The following NKAIN3 variants were observed in gnomAD, a reference collection of about 807,000 sequenced individuals.
NKAIN3 encodes sodium/potassium transporting ATPase interacting 3, also known as sodium/potassium-transporting ATPase subunit beta-1-interacting protein 3.
A neutral mutation model predicts 30.2 loss-of-function variants in NKAIN3; 25 were observed. That is an observed-to-expected ratio of 0.83 (90% CI 0.60 to 1.16). NKAIN3 has a LOEUF of 1.16. NKAIN3 is among the 50% of genes most tolerant of loss of function. The pLI, the probability that NKAIN3 is intolerant of heterozygous loss-of-function variation, is 0.00. For missense variants in NKAIN3, 225 were observed against 254.1 expected (o/e 0.89, Z 0.78); for synonymous variants, 91 against 89.6 (o/e 1.02, Z -0.09).
intron 1 of NKAIN3, chr8:62,383,637 A>C: frequency 2.4e-6 from 1 of 414,914 alleles, no homozygotes; most frequent in Admixed American, 2.8e-5. Context: ...TAAAATTATC[A>C]AACCATTCTT....
intron 1 of NKAIN3, among the ~76,000 whole-genome samples, chr8:62,466,363 A>C (rs566730718): frequency 6.6e-6 from 1 of 152,198 alleles, no homozygotes; most frequent in East Asian, 1.9e-4. Flanking sequence ...CGTTTCCTTA[A>C]TTTCATTAAA....
intron 1 of NKAIN3, among the ~76,000 whole-genome samples, chr8:62,457,244 G>A (rs1165087158): frequency 6.6e-6 from 1 of 152,138 alleles, no homozygotes; most frequent in Middle Eastern, 3.2e-3. Flanking sequence ...ATGGAAGAGG[G>A]ATTTTTTAAT....
chr8:62,421,488 T>G (rs1213074239), intron 1 of NKAIN3, among the ~76,000 whole-genome samples: 1 of 152,054 alleles, frequency 6.6e-6, no homozygotes, highest in Non-Finnish European at 1.5e-5. Context: ...CCCCACAGCT[T>G]TGCTTTTTGA....
chr8:62,864,132 G>T lies in NKAIN3; in HGVS notation c.472-54321G>T, dbSNP rs1466541995. ...GGGGCTTCGCGGAGGTGATGGCGAC[G>T]CGAGCGCGGAAACCAGCCGGGCTGC... is the stretch of plus-strand genomic sequence containing the variant. On this transcript the variant is annotated intron_variant, in intron 4 of 6. Transcript: ENST00000623646. 3 of 619,384 alleles carry T rather than the reference G, an allele frequency of 4.8e-6. No individual in the cohort carries two copies. In the African/African-American group the frequency reaches 5.6e-5, roughly 11 times the overall value. 38.4% of individuals were successfully genotyped at this position (619,384 alleles called of 1,614,324 possible). A position where few individuals can be genotyped will look rare whatever the true frequency, so the allele number is the denominator to read the frequency against.
chr8:62,272,083 GTTGTA>G (rs1812794665), intron 1 of NKAIN3, among the ~76,000 whole-genome samples: 1 of 152,152 alleles, frequency 6.6e-6, no homozygotes, highest in African/African-American at 2.4e-5. Context: ...TCAATTGTTT[GTTGTA>G]TAAATGGATT....
At chr8:62,322,150 G>C (rs947008935) in intron 1 of NKAIN3, among the ~76,000 whole-genome samples, 5 of 152,228 alleles carry the variant, frequency 3.3e-5, no homozygotes, top group Non-Finnish European at 7.3e-5. Flanking sequence ...TCATCTCCTG[G>C]TATGCTGTTT....
intron 3 of NKAIN3, among the ~76,000 whole-genome samples, chr8:62,694,270 C>G (rs1814083742): frequency 6.6e-6 from 1 of 152,112 alleles, no homozygotes; most frequent in Non-Finnish European, 1.5e-5. Flanking sequence ...AATTGCAGCA[C>G]TATTCACAAT....
At chr8:62,927,370 C>T (rs929606654) in intron 5 of NKAIN3, among the ~76,000 whole-genome samples, 10 of 152,184 alleles carry the variant, frequency 6.6e-5, no homozygotes, top group African/African-American at 2.2e-4. Flanking sequence ...ATCTCTTGAA[C>T]AGCACATATT....
intron 1 of NKAIN3, among the ~76,000 whole-genome samples, chr8:62,321,682 C>T (rs1814917879): frequency 6.6e-6 from 1 of 151,550 alleles, no homozygotes; most frequent in Non-Finnish European, 1.5e-5. Context: ...CTGATTGTTC[C>T]TCTGTAAGTT....
intron 1 of NKAIN3, among the ~76,000 whole-genome samples, chr8:62,387,277 A>G (rs1056963833): frequency 6.6e-6 from 1 of 151,188 alleles, no homozygotes; most frequent in Non-Finnish European, 1.5e-5. Context: ...TGGTTTTTCA[A>G]TAAAACTGGA....
intron 1 of NKAIN3, among the ~76,000 whole-genome samples, chr8:62,435,938 A>G (rs1374856003): frequency 6.6e-6 from 1 of 152,190 alleles, no homozygotes; most frequent in East Asian, 1.9e-4. Context: ...TAAATATTCT[A>G]CACAGTATGC....
intron 2 of NKAIN3, among the ~76,000 whole-genome samples, chr8:62,582,964 C>A (rs1243818171): frequency 3.3e-5 from 5 of 152,144 alleles, no homozygotes; most frequent in African/African-American, 1.2e-4. Flanking sequence ...GCTCTGGTAG[C>A]CTTGCCTGGT....
At chr8:62,445,578 A>T (rs1805463999) in intron 1 of NKAIN3, among the ~76,000 whole-genome samples, 1 of 152,124 alleles carries the variant, frequency 6.6e-6, no homozygotes, top group African/African-American at 2.4e-5. Flanking sequence ...CAGAAGTGAG[A>T]AGGTGAAATA....
rs35150872 is a variant in NKAIN3, at chr8:62,965,620, T to TAAAAAAAAAAAA, written c.*218_*229dup. 1.2e-6 allele frequency: 1 copy of TAAAAAAAAAAAA among 820,122 alleles called. No homozygotes were observed. Among genetic ancestry groups the TAAAAAAAAAAAA allele is most frequent in the Non-Finnish European group, 1.5e-6 (1 of 688,610 alleles). The allele number at this position is 820,122 out of a possible 1,614,324, so 50.8% of individuals were successfully genotyped here. On this transcript the variant is annotated 3_prime_UTR_variant, in exon 7 of 7. Transcript: ENST00000623646. ...TTCTTATATGAACACTTGTAAGTTG[T>TAAAAAAAAAAAA]AAAAAAAAAAAAAAAAGAAAAAACA...
chr8:62,991,725 T>A (rs1214299098), intron 5 of NKAIN3, among the ~76,000 whole-genome samples: 1 of 152,224 alleles, frequency 6.6e-6, no homozygotes, highest in East Asian at 1.9e-4. Context: ...TCAGCACTAA[T>A]GGTGCTTGAT....
intron 1 of NKAIN3, among the ~76,000 whole-genome samples, chr8:62,544,745 G>A (rs1262120987): frequency 2.6e-5 from 4 of 151,880 alleles, no homozygotes; most frequent in Non-Finnish European, 4.4e-5. Flanking sequence ...ACAACATGGG[G>A]CACTGATTCC....
intron 1 of NKAIN3, among the ~76,000 whole-genome samples, chr8:62,278,306 T>C (rs538652972): frequency 8.6e-5 from 13 of 151,718 alleles, no homozygotes; most frequent in Non-Finnish European, 1.6e-4. Flanking sequence ...ATGATAGAAC[T>C]AAGGAATGAA....
intron 3 of NKAIN3, among the ~76,000 whole-genome samples, chr8:62,714,650 G>C (rs965325237): frequency 6.6e-6 from 1 of 152,098 alleles, no homozygotes; most frequent in Non-Finnish European, 1.5e-5. Flanking sequence ...ATGAATACAA[G>C]CTATGTTTAG....
intron 1 of NKAIN3, among the ~76,000 whole-genome samples, chr8:62,255,313 G>A (rs1412050055): frequency 2.0e-5 from 3 of 152,202 alleles, no homozygotes; most frequent in African/African-American, 4.8e-5. Flanking sequence ...CTGAGCTAGA[G>A]AGACAGTAGA....
Sources: gnomAD v4.1 joint callset for allele counts (sites outside exome capture counted in the v4.1 genomes callset) on GRCh38, gnomAD v4.1.1 for gene constraint, MANE v1.5 for transcripts, NCBI Gene and HGNC (gene_info 2026-07-23, HGNC 2026-07-21) for gene names.